The following PITPNM2 variants were observed in gnomAD, a reference collection of about 807,000 sequenced individuals.
The protein encoded by PITPNM2 is phosphatidylinositol transfer protein membrane associated 2.
Under a neutral mutation model 132.2 loss-of-function variants are expected in PITPNM2, and 35 were observed. That is an observed-to-expected ratio of 0.26 (90% CI 0.20 to 0.35). The LOEUF (loss-of-function observed/expected upper bound fraction) is 0.35. PITPNM2 is among the 10% of genes least tolerant of loss of function. PITPNM2 has a pLI of 1.00. For synonymous variants in PITPNM2, 738 were observed against 799.2 expected (o/e 0.92, Z 1.29); for missense variants, 1,332 against 1,912.0 (o/e 0.70, Z 5.66).
At chr12:123,030,476 G>A (rs1486693474) in intron 3 of PITPNM2, among the ~76,000 whole-genome samples, 6 of 152,078 alleles carry the variant, frequency 3.9e-5, no homozygotes, top group South Asian at 2.1e-4. Context: ...GGCGGATCAC[G>A]AGGTCAGGAG....
rs2039741672 is a variant in PITPNM2, at chr12:123,023,307, G to C, written c.79-9265C>G. Among the ~76,000 whole-genome samples, 1 of 152,212 alleles carries C rather than the reference G, an allele frequency of 6.6e-6. No homozygotes were observed. Among genetic ancestry groups the C allele is most frequent in the Non-Finnish European group, 1.5e-5 (1 of 68,026 alleles). On this transcript the variant is annotated intron_variant, in intron 3 of 25. Transcript: ENST00000320201. The surrounding 1 kb of genome is among the most constrained non-coding windows in gnomAD (Gnocchi z 4.8). Reference sequence around the variant, plus strand: ...GCGTGCATGCGTGCACACACATGTGGCGTGTGTGTGCATGCAGGAGCCAAG... The same window carrying C: ...GCGTGCATGCGTGCACACACATGTGCCGTGTGTGTGCATGCAGGAGCCAAG...
intron 2 of PITPNM2, among the ~76,000 whole-genome samples, chr12:123,093,492 A>G (rs567053481): frequency 1.3e-5 from 2 of 151,866 alleles, no homozygotes; most frequent in African/African-American, 4.9e-5. Context: ...ACGCGCACAC[A>G]CACACACACC....
Position 122,987,424 on chromosome 12 carries a change from G to A in PITPNM2, c.3270C>T (p.Asp1090=). 6.2e-7 allele frequency: 1 copy of A among 1,613,862 alleles called. No individual in the cohort carries two copies. Among genetic ancestry groups the A allele is most frequent in the Non-Finnish European group, 8.5e-7 (1 of 1,180,008 alleles). ...TGATGTAGCTGTCGGCAAACGTGTG[G>A]TCTCCCCTGGCAGGTGGTGGGGGTG... The part of the protein sequence containing the change: ...VYPIKMVVRG[D]HTFADSYITV... Residue 1090 remains aspartate (D), a synonymous_variant, in exon 23 of 26, where the codon GAC becomes GAT. Transcript: ENST00000320201.
intron 2 of PITPNM2, among the ~76,000 whole-genome samples, chr12:123,053,372 C>G (rs2040923314): frequency 1.3e-5 from 2 of 152,154 alleles, no homozygotes; most frequent in African/African-American, 2.4e-5. Context: ...CAAACACAGT[C>G]GCTTAAAATT....
chr12:123,066,848 G>A lies in PITPNM2; in HGVS notation c.-95-32163C>T, dbSNP rs546326207. ...TGATTCTACTCGTGGAGGCAAAGTC[G>A]CCCTTGCTGATGACAGGGCCTGAGG... On this transcript the variant is annotated intron_variant, in intron 2 of 25. Transcript: ENST00000320201. 2.2e-3 allele frequency among the ~76,000 whole-genome samples: 335 copies of A among 152,218 alleles called. 2 individuals carry two copies. Among genetic ancestry groups the A allele is most frequent in the African/African-American group, 7.8e-3 (323 of 41,534 alleles).
At chr12:123,105,868 C>T (rs2042697149) in intron 2 of PITPNM2, among the ~76,000 whole-genome samples, 1 of 152,152 alleles carries the variant, frequency 6.6e-6, no homozygotes, top group Non-Finnish European at 1.5e-5. Context: ...ATGCTGAGAA[C>T]CTGCAGGCAG....
At chr12:123,107,178 A>C (rs1254441356) in intron 2 of PITPNM2, among the ~76,000 whole-genome samples, 2 of 152,136 alleles carry the variant, frequency 1.3e-5, no homozygotes, top group Admixed American at 1.3e-4. Flanking sequence ...CCTGTCACAG[A>C]GACAATGGCA....
chr12:123,089,188 ACCAAGGCAT>A (rs1410741220), intron 2 of PITPNM2: 1 of 152,210 alleles, frequency 6.6e-6, no homozygotes, highest in Non-Finnish European at 1.5e-5. Context: ...AGGCATGCAA[ACCAAGGCAT>A]CCAGGCTGCG....
At chr12:123,035,702 C>T (rs140044911) in intron 2 of PITPNM2, among the ~76,000 whole-genome samples, 118 of 151,930 alleles carry the variant, frequency 7.8e-4, no homozygotes, top group Non-Finnish European at 1.3e-3. Flanking sequence ...TTGGAAGAGG[C>T]GCATACTCAG....
At chr12:123,056,235 G>A (rs989177422) in intron 2 of PITPNM2, among the ~76,000 whole-genome samples, 13 of 152,200 alleles carry the variant, frequency 8.5e-5, no homozygotes, top group Non-Finnish European at 1.6e-4. Flanking sequence ...CCACTTACAT[G>A]TCTGGCATGA....
At chr12:123,013,420 C>T (rs2039293861) in intron 4 of PITPNM2, among the ~76,000 whole-genome samples, 1 of 152,246 alleles carries the variant, frequency 6.6e-6, no homozygotes, top group African/African-American at 2.4e-5. Context: ...GTCACAGCAG[C>T]TGAAGGTCTC....
rs937848749 is a variant in PITPNM2 at position 123,111,177 on chromosome 12, A to G, written c.-199-689T>C. 2.0e-5 allele frequency among the ~76,000 whole-genome samples: 3 copies of G among 152,236 alleles called. No homozygotes were observed. The highest frequency in any genetic ancestry group is 4.8e-5 in the African/African-American group (2 of 41,448). On this transcript the variant is annotated intron_variant, in intron 1 of 25. Coordinates refer to ENST00000320201, the MANE Select transcript of PITPNM2 (RefSeq NM_020845.3). This position sits in a 1 kb window ranked among gnomAD's most constrained non-coding sequence, Gnocchi z 4.1. ...CCACTACCCAACCCAGGGCTCCTAC[A>G]GGGACCACAGACAAGCCGGGTAGCC...
At chr12:123,075,232 T>G (rs374819065) in intron 2 of PITPNM2, among the ~76,000 whole-genome samples, 6 of 152,194 alleles carry the variant, frequency 3.9e-5, no homozygotes, top group Non-Finnish European at 8.8e-5. Context: ...CAAGAGAGAC[T>G]GGGGGAGAGT....
At chr12:123,087,667 G>A (rs2042152377) in intron 2 of PITPNM2, 1 of 151,820 alleles carries the variant, frequency 6.6e-6, no homozygotes, top group Admixed American at 6.6e-5. Context: ...CACCCAGGCT[G>A]GAGTGCAATG....
chr12:123,086,414 G>C (rs1227251247), intron 2 of PITPNM2, among the ~76,000 whole-genome samples: 2 of 152,182 alleles, frequency 1.3e-5, no homozygotes, highest in African/African-American at 4.8e-5. Flanking sequence ...TAAGTGTTTA[G>C]CATATGGCTG....
chr12:122,993,967 C>A lies in PITPNM2; in HGVS notation c.2233+834G>T, dbSNP rs956211453. ...TGGCTCACCGCAACCTCCGCCCTCC[C>A]GTGTTCAGGCGATTCTCCTGCCTCA... On this transcript the variant is annotated intron_variant, in intron 15 of 25. Coordinates refer to ENST00000320201, the MANE Select transcript of PITPNM2 (RefSeq NM_020845.3). This position sits in a 1 kb window ranked among gnomAD's most constrained non-coding sequence, Gnocchi z 5.2. Among the ~76,000 whole-genome samples the A allele has an allele frequency of 6.6e-6, 1 of 152,096 alleles. No individual in the cohort carries two copies. Among genetic ancestry groups the A allele is most frequent in the African/African-American group, 2.4e-5 (1 of 41,412 alleles).
At chr12:123,139,107 C>T (rs996137594) in intron 1 of PITPNM2, among the ~76,000 whole-genome samples, 33 of 152,016 alleles carry the variant, frequency 2.2e-4, no homozygotes, top group African/African-American at 7.5e-4. Flanking sequence ...TACTGCACCC[C>T]AACCTGGGAG....
Position 123,095,032 on chromosome 12 carries a change from A to G in PITPNM2, c.-96+15353T>C, listed in dbSNP as rs2042370371. Among the ~76,000 whole-genome samples, 1 of 152,102 alleles carries G rather than the reference A, an allele frequency of 6.6e-6. No individual in the cohort carries two copies. The highest frequency in any genetic ancestry group is 2.4e-5 in the African/African-American group (1 of 41,408). On this transcript the variant is annotated intron_variant, in intron 2 of 25. Transcript: ENST00000320201. This position sits in a 1 kb window ranked among gnomAD's most constrained non-coding sequence, Gnocchi z 5.0. ...CATGTTTATCCTTCCCTCATACAACACTTTTTCTTTGGTCACTTCTTTTTC... is the reference window on the plus strand; with the variant it reads ...CATGTTTATCCTTCCCTCATACAACGCTTTTTCTTTGGTCACTTCTTTTTC...
intron 17 of PITPNM2, 42 bp downstream of exon 17, chr12:122,990,503 G>A (rs2038139052): frequency 6.2e-7 from 1 of 1,606,164 alleles, no homozygotes. Flanking sequence ...GGGCACAATG[G>A]CCCTGGCTGA....
Sources: allele counts gnomAD v4.1 joint callset (sites outside exome capture counted in the v4.1 genomes callset), GRCh38; gene constraint gnomAD v4.1.1; non-coding constraint Gnocchi (gnomAD v3.1); transcripts MANE v1.5; gene names NCBI Gene and HGNC (gene_info 2026-07-23, HGNC 2026-07-21).